Variants in TTC39A observed in about 807,000 individuals in gnomAD.
TTC39A encodes the protein tetratricopeptide repeat domain 39A.
A neutral mutation model predicts 82.3 loss-of-function variants in TTC39A; 46 were observed. The observed-to-expected ratio is 0.56, with a 90% confidence interval of 0.44 to 0.71. The LOEUF (loss-of-function observed/expected upper bound fraction) is 0.71, where lower values mean the gene tolerates loss of function less well. TTC39A is among the 30% of genes least tolerant of loss of function. The pLI is 0.00. For synonymous variants in TTC39A, 254 were observed against 275.2 expected, an observed-to-expected ratio of 0.92 and a Z score of 0.76; for missense variants, 543 against 712.9, an observed-to-expected ratio of 0.76 and a Z score of 2.71.
At chr1:51,320,416 C>CTTTTTTTTTTTTTTTTTTTTTTTTTTTT (rs57261779) in intron 2 of TTC39A, among the ~76,000 whole-genome samples, 3 of 79,454 alleles carry the variant, frequency 3.8e-5, no homozygotes, top group Admixed American at 1.5e-4. Context: ...TTTTCTTTTT[C>CTTTTTTTTTTTTTTTTTTTTTTTTTTTT]TTTTTTTTTT....
chr1:51,331,076 A>C (rs886328460), upstream of TTC39A: 8 of 1,051,460 alleles, frequency 7.6e-6, no homozygotes, highest in African/African-American at 1.6e-5. Context: ...TGCCTTCTCA[A>C]ATGATCCCCA....
At chr1:51,314,645 CT>C (rs1645215631) in intron 2 of TTC39A, among the ~76,000 whole-genome samples, 1 of 152,198 alleles carries the variant, frequency 6.6e-6, no homozygotes, top group African/African-American at 2.4e-5. Flanking sequence ...GCTCCCAGGC[CT>C]TTGCTAGGAC....
At chr1:51,304,980 G>GA in intron 8 of TTC39A, 101 bp downstream of exon 8, 1 of 1,285,424 alleles carries the variant, frequency 7.8e-7, no homozygotes, top group Non-Finnish European at 1.1e-6. Flanking sequence ...GCTGAGCCAG[G>GA]ATGGGCTCCT....
upstream of TTC39A, chr1:51,335,393 A>G (rs11205833): frequency 2.1e-5 from 3 of 140,022 alleles, no homozygotes; most frequent in African/African-American, 8.6e-5. Flanking sequence ...TACTAAAAAT[A>G]CAAAAAAAAA....
At chr1:51,333,610 A>G (rs1295594309), upstream of TTC39A, among the ~76,000 whole-genome samples, 2 of 152,340 alleles carry the variant, frequency 1.3e-5, no homozygotes, top group South Asian at 4.1e-4. Context: ...TCTTCCAGGA[A>G]GCCCTCCCTC....
chr1:51,328,128 G>A (rs1266619761), intron 1 of TTC39A, among the ~76,000 whole-genome samples: 1 of 152,164 alleles, frequency 6.6e-6, no homozygotes, highest in Non-Finnish European at 1.5e-5. Flanking sequence ...AAGGAGGATC[G>A]CTTGAACCCA....
At chr1:51,308,977 C>G (rs780283228) in intron 6 of TTC39A, among the ~76,000 whole-genome samples, 9 of 152,188 alleles carry the variant, frequency 5.9e-5, no homozygotes, top group Non-Finnish European at 1.3e-4. Context: ...CTGCCCCCAC[C>G]AGAACACCCT....
At chr1:51,331,401 G>A, upstream of TTC39A, 1 of 1,461,068 alleles carries the variant, frequency 6.8e-7, no homozygotes, top group Non-Finnish European at 9.0e-7. Context: ...GGCCCCAGAT[G>A]CTGCTCTTAA....
Position 51,306,276 on chromosome 1 carries a change from C to T in TTC39A, c.489-200G>A, listed in dbSNP as rs1023505181. On this transcript the variant is annotated intron_variant, in intron 6 of 17. Coordinates refer to ENST00000680483, the MANE Select transcript of TTC39A (RefSeq NM_001297663.2). The stretch of plus-strand genomic sequence containing the variant: ...CACTCCTCACCCCCTGAATTTCAGC[C>T]GTATGGGCCCTGGCACACTCAGCCA... 5.9e-5 allele frequency among the ~76,000 whole-genome samples: 9 copies of T among 152,140 alleles called. No homozygotes were observed. The East Asian group carries it at 9.6e-4, about 16-fold the overall frequency.
At chr1:51,332,672 AC>A (rs1422692572), upstream of TTC39A, among the ~76,000 whole-genome samples, 5 of 152,216 alleles carry the variant, frequency 3.3e-5, no homozygotes, top group African/African-American at 1.2e-4. Context: ...CTGCTGAGTT[AC>A]CCTGAACACT....
At chr1:51,305,900 G>T in intron 7 of TTC39A, 77 bp downstream of exon 7, 1 of 1,432,950 alleles carries the variant, frequency 7.0e-7, no homozygotes, top group Non-Finnish European at 9.8e-7. Flanking sequence ...ACTTGGCAGT[G>T]ACCACACATG....
rs778776940 is a variant in TTC39A, at chr1:51,294,550, G to C, written c.1146-39C>G. On this transcript the variant is annotated intron_variant, in intron 13 of 17. Coordinates refer to ENST00000680483, the MANE Select transcript of TTC39A (RefSeq NM_001297663.2). This position sits in a 1 kb window ranked among gnomAD's most constrained non-coding sequence, Gnocchi z 4.3. Reference sequence around the variant, plus strand: ...GGGGAGGGTGGGAGAGGATGAAAAAGAGCAGGAGAGGGCAGAGGGTCCCCA... The same window carrying C: ...GGGGAGGGTGGGAGAGGATGAAAAACAGCAGGAGAGGGCAGAGGGTCCCCA... The C allele has an allele frequency of 1.1e-5, 18 of 1,612,488 alleles. No homozygotes were observed. In the South Asian group the frequency reaches 1.5e-4, roughly 14 times the overall value.
chr1:51,343,232 G>C (rs1646058612), intron 1 of TTC39A, among the ~76,000 whole-genome samples: 1 of 152,224 alleles, frequency 6.6e-6, no homozygotes, highest in Non-Finnish European at 1.5e-5. Flanking sequence ...TCCATAAGTA[G>C]TGGAGAAACA....
chr1:51,296,580 G>A (rs1209890354), intron 12 of TTC39A, among the ~76,000 whole-genome samples: 1 of 152,272 alleles, frequency 6.6e-6, no homozygotes, highest in Non-Finnish European at 1.5e-5. Flanking sequence ...AAAGCCAGGA[G>A]GTGGCAGGAT....
chr1:51,311,441 TC>T, intron 4 of TTC39A, 120 bp from the exon 5 acceptor site: 1 of 820,392 alleles, frequency 1.2e-6, no homozygotes, highest in Non-Finnish European at 1.9e-6. Context: ...ACCTCTCCTG[TC>T]CCCTACCTCG....
At chr1:51,314,848 C>T (rs1645223726) in intron 2 of TTC39A, among the ~76,000 whole-genome samples, 1 of 152,230 alleles carries the variant, frequency 6.6e-6, no homozygotes, top group African/African-American at 2.4e-5. Flanking sequence ...AAAACCTTAA[C>T]TCTTCTCCCC....
At chr1:51,323,456 G>A (rs1451260674) in intron 1 of TTC39A, among the ~76,000 whole-genome samples, 1 of 151,960 alleles carries the variant, frequency 6.6e-6, no homozygotes, top group Admixed American at 6.6e-5. Flanking sequence ...ATACCTTCTG[G>A]TCCAGGCCAG....
Position 51,330,118 on chromosome 1 carries a change from C to A in TTC39A, c.41+319G>T. Reference sequence around the variant, plus strand: ...TGTAATGGGGATGAGAGTAACAGGGCCCACCCCACAGGAGTGAACGCCACG... The same window carrying A: ...TGTAATGGGGATGAGAGTAACAGGGACCACCCCACAGGAGTGAACGCCACG... On this transcript the variant is annotated intron_variant, in intron 1 of 17. Transcript: ENST00000680483. This position sits in a 1 kb window ranked among gnomAD's most constrained non-coding sequence, Gnocchi z 4.5. 1.0e-6 allele frequency: 1 copy of A among 984,796 alleles called. No individual in the cohort carries two copies. The highest frequency in any genetic ancestry group is 1.2e-6 in the Non-Finnish European group (1 of 829,402). 61.0% of individuals were successfully genotyped at this position (984,796 alleles called of 1,614,324 possible).
intron 5 of TTC39A, 47 bp from the exon 6 acceptor site, chr1:51,309,372 C>T (rs1278681817): frequency 1.2e-6 from 2 of 1,612,086 alleles, no homozygotes; most frequent in South Asian, 1.1e-5. Flanking sequence ...TGGGCAGCTG[C>T]AGGCGTGAGA....
Sources: gnomAD v4.1 joint callset for allele counts (sites outside exome capture counted in the v4.1 genomes callset) on GRCh38, gnomAD v4.1.1 for gene constraint, Gnocchi (gnomAD v3.1) non-coding constraint, MANE v1.5 for transcripts, NCBI Gene and HGNC (gene_info 2026-07-23, HGNC 2026-07-21) for gene names.